FBP2: variants seen among roughly 807,000 people sequenced by gnomAD.
FBP2 encodes fructose-1,6-bisphosphatase isozyme 2.
A neutral mutation model predicts 31.6 loss-of-function variants in FBP2; 27 were observed. The observed-to-expected ratio is 0.85, with a 90% CI of 0.63 to 1.18. FBP2 has a LOEUF of 1.18. Ranked by LOEUF, FBP2 falls within the 50% of genes most tolerant of loss-of-function variation. The pLI, the probability that FBP2 is intolerant of heterozygous loss-of-function variation, is 0.00. For synonymous variants in FBP2, 168 were observed against 179.8 expected (o/e 0.93, Z 0.53); for missense variants, 421 against 436.1 (o/e 0.97, Z 0.31).
At chr9:94,573,102 AT>A (rs1226838348) in intron 3 of FBP2, 1 of 152,154 alleles carries the variant, frequency 6.6e-6, no homozygotes, top group East Asian at 1.9e-4. Context: ...AACTTTCAGG[AT>A]TACATATGTT....
In FBP2 at chr9:94,582,823, C is replaced by T. The variant is rs1293194734; in HGVS notation, c.426+1754G>A. On this transcript the variant is annotated intron_variant, in intron 3 of 6. Transcript: ENST00000375337. ...TCGGCCTCCCAAATTGCTGGGATTACAGGCATGAGCCACCCTTCCCAGCCC... is the reference window on the plus strand; with the variant it reads ...TCGGCCTCCCAAATTGCTGGGATTATAGGCATGAGCCACCCTTCCCAGCCC... 6.7e-5 allele frequency among the ~76,000 whole-genome samples: 10 copies of T among 149,588 alleles called. No homozygotes were observed. The East Asian group carries it at 1.8e-3, about 27-fold the overall frequency.
chr9:94,578,977 C>T (rs977432094), intron 3 of FBP2, among the ~76,000 whole-genome samples: 8 of 130,878 alleles, frequency 6.1e-5, no homozygotes, highest in South Asian at 2.4e-4. Context: ...GGCGTGAACC[C>T]GGAAGGCGGA....
chr9:94,579,659 C>T (rs1374133998), intron 3 of FBP2, among the ~76,000 whole-genome samples: 1 of 152,086 alleles, frequency 6.6e-6, no homozygotes, highest in Non-Finnish European at 1.5e-5. Flanking sequence ...TTATTTGCTC[C>T]TAATAACAAG....
intron 6 of FBP2, 74 bp downstream of exon 6, chr9:94,563,268 A>T: frequency 6.5e-7 from 1 of 1,539,630 alleles, no homozygotes; most frequent in Non-Finnish European, 8.8e-7. Context: ...CAGTAGCCAA[A>T]CAGCAGGTGT....
At position 94,566,323 on chromosome 9, in the gene FBP2, G is replaced by C. The variant is rs560472855; in HGVS notation, c.705+947C>G. On this transcript the variant is annotated intron_variant, in intron 5 of 6. Transcript: ENST00000375337. ...GAAGGTTTTGGGTTTACCGGAATGA[G>C]GGCAAGGAACACCTGGCCCGCCCAG... is the stretch of plus-strand genomic sequence containing the variant. 5.3e-4 allele frequency among the ~76,000 whole-genome samples: 80 copies of C among 152,352 alleles called. 1 individual carries two copies. In the South Asian group the frequency reaches 9.5e-3, roughly 18 times the overall value.
At chr9:94,573,467 C>T (rs1230331873) in intron 3 of FBP2, among the ~76,000 whole-genome samples, 3 of 152,172 alleles carry the variant, frequency 2.0e-5, no homozygotes, top group Non-Finnish European at 2.9e-5. Context: ...CTATGTTGCC[C>T]AGGCTGGTCT....
intron 4 of FBP2, 78 bp downstream of exon 4, chr9:94,571,384 T>G: frequency 7.2e-7 from 1 of 1,392,104 alleles, no homozygotes; most frequent in Non-Finnish European, 9.6e-7. Flanking sequence ...AACCAGGACA[T>G]TATCGCAGAG....
At chr9:94,578,849 C>T (rs191475449) in intron 3 of FBP2, among the ~76,000 whole-genome samples, 1 of 150,466 alleles carries the variant, frequency 6.6e-6, no homozygotes. Context: ...GTCAGGAGAT[C>T]GAGACCATCC....
chr9:94,582,878 C>T (rs1201431022), intron 3 of FBP2, among the ~76,000 whole-genome samples: 18 of 108,428 alleles, frequency 1.7e-4, no homozygotes, highest in African/African-American at 6.4e-4. Context: ...TTTTGAGACA[C>T]AGTTTCACTC....
At chr9:94,589,080 C>T (rs1003733329) in intron 1 of FBP2, among the ~76,000 whole-genome samples, 1 of 152,224 alleles carries the variant, frequency 6.6e-6, no homozygotes, top group Non-Finnish European at 1.5e-5. Flanking sequence ...TTCTCCTCTG[C>T]CCTGACCACC....
intron 6 of FBP2, among the ~76,000 whole-genome samples, chr9:94,562,756 A>G (rs528888997): frequency 2.0e-5 from 3 of 152,284 alleles, no homozygotes; most frequent in African/African-American, 7.2e-5. Flanking sequence ...ACTTGATAAT[A>G]CAAGTATTTT....
At chr9:94,568,910 A>G (rs1827233392) in intron 4 of FBP2, 1 of 152,180 alleles carries the variant, frequency 6.6e-6, no homozygotes, top group African/African-American at 2.4e-5. Context: ...AGAATTACCA[A>G]GCAAAACCCC....
Position 94,587,386 on chromosome 9 carries a change from A to G in FBP2, c.254T>C (p.Met85Thr), listed in dbSNP as rs1414894368. ...GCAGGTACTATAGGAGGATTGGACC[A>G]TGTTGATCACCAGGGAATTGGATAG... ...DVLSNSLVIN[M>T]VQSSYSTCVL... Residue 85 changes from methionine (M) to threonine (T), a missense_variant, in exon 2 of 7, where the codon ATG (methionine) becomes ACG (threonine). Coordinates refer to ENST00000375337, the MANE Select transcript of FBP2 (RefSeq NM_003837.4). 13 of 1,614,050 alleles carry G rather than the reference A, an allele frequency of 8.1e-6. No homozygotes were observed. The highest frequency in any genetic ancestry group is 1.0e-5 in the Non-Finnish European group (12 of 1,179,926).
chr9:94,570,382 ACTCT>A (rs1407882777), intron 4 of FBP2: 2 of 152,064 alleles, frequency 1.3e-5, no homozygotes, highest in African/African-American at 2.4e-5. Flanking sequence ...CAAGTTACTC[ACTCT>A]CTCTACGCCT....
In FBP2 at chr9:94,585,070, G is replaced by A. The variant is rs1827412528; in HGVS notation, c.334-401C>T. On this transcript the variant is annotated intron_variant, in intron 2 of 6. Transcript: ENST00000375337. The stretch of plus-strand genomic sequence containing the variant: ...CGGAACCCCCAGGCCAATTAAACAC[G>A]GGTAATGCAACTTCAAGAGAAATGA... 2.6e-5 allele frequency among the ~76,000 whole-genome samples: 4 copies of A among 152,068 alleles called. No homozygotes were observed. The South Asian group carries it at 6.2e-4, about 24-fold the overall frequency.
In FBP2 at chr9:94,579,050, C is replaced by CAAAAAAAAAAAAAAAAAAGAAA. The variant is rs1827346518; in HGVS notation, c.426+5526_426+5527insTTTCTTTTTTTTTTTTTTTTTT. On this transcript the variant is annotated intron_variant, in intron 3 of 6. Transcript: ENST00000375337. The stretch of plus-strand genomic sequence containing the variant: ...CCTGGGCAACAGAGAGAGACTCTGT[C>CAAAAAAAAAAAAAAAAAAGAAA]AAAAAAAAAAAAAAAAAAAGGTTAT... 9.8e-5 allele frequency among the ~76,000 whole-genome samples: 3 copies of CAAAAAAAAAAAAAAAAAAGAAA among 30,606 alleles called. 1 individual carries two copies. The highest frequency in any genetic ancestry group is 6.0e-4 in the African/African-American group (3 of 5,028). 20.1% of individuals were successfully genotyped at this position (30,606 alleles called of 152,430 possible). A position where few individuals can be genotyped will look rare whatever the true frequency, so the allele number is the denominator to read the frequency against.
intron 4 of FBP2, chr9:94,570,838 C>T (rs1011583093): frequency 6.6e-6 from 1 of 152,190 alleles, no homozygotes; most frequent in African/African-American, 2.4e-5. Flanking sequence ...TCCACAAGGG[C>T]TGTCATGTGT....
At chr9:94,586,960 G>A (rs541507522) in intron 2 of FBP2, 88 of 176,400 alleles carry the variant, frequency 5.0e-4, no homozygotes, top group African/African-American at 2.0e-3. Flanking sequence ...AAGGCGGGGC[G>A]GTGAGAGGCT....
intron 3 of FBP2, 49 bp from the exon 4 acceptor site, chr9:94,571,651 G>T (rs1827271748): frequency 1.3e-6 from 2 of 1,524,702 alleles, no homozygotes; most frequent in Middle Eastern, 1.7e-4. Context: ...TCTCTGGAGA[G>T]AACACTTTGC....
Sources: allele counts gnomAD v4.1 joint callset (sites outside exome capture counted in the v4.1 genomes callset), GRCh38; gene constraint gnomAD v4.1.1; transcripts MANE v1.5; gene names NCBI Gene and HGNC (gene_info 2026-07-23, HGNC 2026-07-21).